PTPRT: variants seen among roughly 807,000 people sequenced by gnomAD.
PTPRT encodes the protein receptor-type tyrosine-protein phosphatase T.
PTPRT carries 56 observed loss-of-function variants against 176.8 expected under a neutral mutation model. The ratio of observed to expected loss-of-function variants is 0.32; its 90% CI spans 0.26 to 0.40. The LOEUF (loss-of-function observed/expected upper bound fraction) is 0.40, where lower values mean the gene tolerates loss of function less well. PTPRT is among the 10% of genes least tolerant of loss of function. The pLI is 1.00. For synonymous variants in PTPRT, 783 were observed against 739.0 expected, an observed-to-expected ratio of 1.06 and a Z score of -0.96; for missense variants, 1,540 against 1,908.2, an observed-to-expected ratio of 0.81 and a Z score of 3.60.
At chr20:42,676,700 A>G (rs2075510164) in intron 7 of PTPRT, among the ~76,000 whole-genome samples, 3 of 152,252 alleles carry the variant, frequency 2.0e-5, no homozygotes, top group African/African-American at 7.2e-5. Context: ...TCCTTTGTGC[A>G]TATATAAAAT....
At chr20:42,371,699 C>T (rs2058588901) in intron 9 of PTPRT, among the ~76,000 whole-genome samples, 1 of 152,214 alleles carries the variant, frequency 6.6e-6, no homozygotes, top group Non-Finnish European at 1.5e-5. Flanking sequence ...GCCTGAAATT[C>T]TACCACTATA....
intron 7 of PTPRT, among the ~76,000 whole-genome samples, chr20:42,481,809 C>CGT (rs2071391210): frequency 1.4e-5 from 2 of 146,144 alleles, no homozygotes; most frequent in African/African-American, 5.0e-5. Flanking sequence ...CACACACGCG[C>CGT]GCATGTATAT....
chr20:42,526,919 C>T (rs1464728798), intron 7 of PTPRT, among the ~76,000 whole-genome samples: 2 of 147,168 alleles, frequency 1.4e-5, no homozygotes, highest in Non-Finnish European at 3.0e-5. Context: ...CTCTTCTACT[C>T]TACCGTTCTA....
intron 1 of PTPRT, among the ~76,000 whole-genome samples, chr20:42,916,349 T>C (rs1978755346): frequency 6.6e-6 from 1 of 152,296 alleles, no homozygotes; most frequent in African/African-American, 2.4e-5. Flanking sequence ...CACATTTTCT[T>C]AATCCAGTCT....
intron 1 of PTPRT, among the ~76,000 whole-genome samples, chr20:43,095,090 G>C (rs2425587): frequency 0.36 from 54,263 of 151,844 alleles, 9,841 homozygotes; most frequent in Admixed American, 0.41. Context: ...TGGATATTGA[G>C]TGTCATGCCC....
At chr20:42,628,350 C>G (rs919402601) in intron 7 of PTPRT, among the ~76,000 whole-genome samples, 1 of 152,134 alleles carries the variant, frequency 6.6e-6, no homozygotes, top group African/African-American at 2.4e-5. Context: ...CTGTATAGCG[C>G]TATTGCTCTA....
chr20:42,541,339 T>C (rs1376354837), intron 7 of PTPRT, among the ~76,000 whole-genome samples: 1 of 152,146 alleles, frequency 6.6e-6, no homozygotes, highest in Non-Finnish European at 1.5e-5. Context: ...TATTCAAGCA[T>C]ACTTTACATT....
At chr20:42,867,646 G>A (rs925072959) in intron 2 of PTPRT, among the ~76,000 whole-genome samples, 1 of 148,020 alleles carries the variant, frequency 6.8e-6, no homozygotes, top group Admixed American at 6.8e-5. Context: ...CCAGCATCCA[G>A]AACTATGAGA....
chr20:42,442,706 T>G (rs1360811661), intron 9 of PTPRT, among the ~76,000 whole-genome samples: 1 of 152,226 alleles, frequency 6.6e-6, no homozygotes, highest in African/African-American at 2.4e-5. Context: ...TCCCTCACAC[T>G]GTGTGATTTT....
At chr20:42,775,435 G>C (rs577484657) in intron 4 of PTPRT, among the ~76,000 whole-genome samples, 1 of 152,302 alleles carries the variant, frequency 6.6e-6, no homozygotes, top group South Asian at 2.1e-4. Flanking sequence ...TAGAAACTTT[G>C]AAACGGAGTG....
intron 3 of PTPRT, among the ~76,000 whole-genome samples, chr20:42,784,729 G>A (rs12479567): frequency 0.17 from 24,812 of 146,338 alleles, 2,315 homozygotes; most frequent in Non-Finnish European, 0.21. Context: ...CCTATATAGC[G>A]ATAATAACTA....
intron 25 of PTPRT, among the ~76,000 whole-genome samples, chr20:42,103,991 C>T (rs1338833047): frequency 6.6e-6 from 1 of 152,214 alleles, no homozygotes; most frequent in Non-Finnish European, 1.5e-5. Context: ...GAAAACCCCA[C>T]AAATGTGCAC....
intron 1 of PTPRT, among the ~76,000 whole-genome samples, chr20:43,144,475 T>C (rs2014108672): frequency 6.6e-6 from 1 of 152,156 alleles, no homozygotes; most frequent in Non-Finnish European, 1.5e-5. Flanking sequence ...GTCACCAACA[T>C]CTCTCTCCTG....
At chr20:42,197,891 T>C (rs1343065926) in intron 16 of PTPRT, among the ~76,000 whole-genome samples, 1 of 152,156 alleles carries the variant, frequency 6.6e-6, no homozygotes, top group African/African-American at 2.4e-5. Flanking sequence ...TAATCTCTCT[T>C]CCCAAAGACA....
chr20:42,902,281 G>T (rs1387743950), intron 1 of PTPRT, among the ~76,000 whole-genome samples: 1 of 152,152 alleles, frequency 6.6e-6, no homozygotes, highest in Non-Finnish European at 1.5e-5. Context: ...CCCCCAGCAA[G>T]TTCCACTTCC....
chr20:42,057,443 C>T, the PTPRT span, among the ~76,000 whole-genome samples: 2 of 152,138 alleles, frequency 1.3e-5, no homozygotes, highest in African/African-American at 4.8e-5. Context: ...GGTTTGTGAG[C>T]CATACTGTTG....
intron 13 of PTPRT, among the ~76,000 whole-genome samples, chr20:42,257,646 C>A (rs1323392347): frequency 2.8e-5 from 1 of 35,552 alleles, no homozygotes; most frequent in Non-Finnish European, 6.2e-5. Context: ...TCCCCCCACC[C>A]CCCCCCCCCC....
At chr20:42,320,654 G>T (rs984035137) in intron 11 of PTPRT, among the ~76,000 whole-genome samples, 1 of 152,144 alleles carries the variant, frequency 6.6e-6, no homozygotes, top group African/African-American at 2.4e-5. Flanking sequence ...ACTAGTAAAG[G>T]AGTGAGAGAA....
At chr20:42,056,875 G>A in the PTPRT span, among the ~76,000 whole-genome samples, 1 of 152,234 alleles carries the variant, frequency 6.6e-6, no homozygotes, top group Admixed American at 6.5e-5. Context: ...AGACTTCTTG[G>A]AGGAGGTCTC....
Sources: allele counts gnomAD v4.1 joint callset (sites outside exome capture counted in the v4.1 genomes callset), GRCh38; gene constraint gnomAD v4.1.1; transcripts MANE v1.5; gene names NCBI Gene and HGNC (gene_info 2026-07-23, HGNC 2026-07-21).